The following LCMT1 variants were observed in gnomAD, a reference collection of about 807,000 sequenced individuals.
LCMT1 encodes the protein [Phosphatase 2A protein]-leucine-carboxy methyltransferase 1.
In LCMT1, 32 loss-of-function variants were observed where a neutral mutation model predicts 47.7. That is an observed-to-expected ratio of 0.67 (90% CI 0.51 to 0.90). The LOEUF is 0.90. LCMT1 is among the 40% of genes least tolerant of loss of function. LCMT1 has a pLI of 0.00. For missense variants in LCMT1, 375 were observed against 415.2 expected (o/e 0.90, Z 0.84); for synonymous variants, 152 against 149.7 (o/e 1.02, Z -0.11).
intron 10 of LCMT1, 31 bp downstream of exon 10, chr16:25,175,065 TGGAAATAG>T (rs1311030070): frequency 2.5e-6 from 3 of 1,212,952 alleles, no homozygotes; most frequent in Non-Finnish European, 3.6e-6. Context: ...TGCCTTGACC[TGGAAATAG>T]TGAACTTTTC....
chr16:25,128,433 A>T, intron 1 of LCMT1, 42 bp from the exon 2 acceptor site: 10 of 1,451,582 alleles, frequency 6.9e-6, no homozygotes, highest in Non-Finnish European at 9.5e-6. Context: ...GTCTGAACCT[A>T]CTCAATCTCT....
chr16:25,127,834 C>G (rs1347664829), intron 1 of LCMT1, among the ~76,000 whole-genome samples: 1 of 152,122 alleles, frequency 6.6e-6, no homozygotes, highest in Non-Finnish European at 1.5e-5. Context: ...TGGTTCTACT[C>G]ATGGTTGCAA....
chr16:25,173,346 T>G (rs1169641468), intron 9 of LCMT1, among the ~76,000 whole-genome samples: 1 of 152,188 alleles, frequency 6.6e-6, no homozygotes, highest in Non-Finnish European at 1.5e-5. Context: ...TGGTACTGGA[T>G]TTTTCTAGAA....
chr16:25,134,164 G>A (rs184156929), intron 3 of LCMT1, among the ~76,000 whole-genome samples: 4 of 151,658 alleles, frequency 2.6e-5, no homozygotes, highest in East Asian at 3.9e-4. Flanking sequence ...GATTTTTTGC[G>A]GATGTTGACC....
intron 1 of LCMT1, among the ~76,000 whole-genome samples, chr16:25,124,705 A>G (rs1960106733): frequency 6.6e-6 from 1 of 152,318 alleles, no homozygotes; most frequent in South Asian, 2.1e-4. Context: ...ACCTTTCAGA[A>G]GAAGGCCCCA....
At chr16:25,134,422 G>A (rs2141654581) in intron 3 of LCMT1, among the ~76,000 whole-genome samples, 1 of 152,328 alleles carries the variant, frequency 6.6e-6, no homozygotes, top group African/African-American at 2.4e-5. Context: ...TGAGGGAAAT[G>A]AGACTGCAAG....
intron 6 of LCMT1, among the ~76,000 whole-genome samples, chr16:25,161,513 T>A (rs377516225): frequency 2.0e-5 from 3 of 152,116 alleles, no homozygotes; most frequent in African/African-American, 4.8e-5. Context: ...TGCGCCACCA[T>A]GCCTGGCTAA....
chr16:25,124,076 G>C (rs1960084298), intron 1 of LCMT1, among the ~76,000 whole-genome samples: 1 of 152,152 alleles, frequency 6.6e-6, no homozygotes, highest in African/African-American at 2.4e-5. Context: ...TTTGCTCCAG[G>C]AGGGAAGAAG....
intron 1 of LCMT1, among the ~76,000 whole-genome samples, chr16:25,122,096 C>G (rs1227408105): frequency 1.3e-5 from 2 of 152,204 alleles, no homozygotes; most frequent in African/African-American, 2.4e-5. Context: ...CTGCAAAATG[C>G]TTCTTGAAAG....
intron 7 of LCMT1, among the ~76,000 whole-genome samples, chr16:25,166,425 A>G (rs536165042): frequency 3.3e-5 from 5 of 152,158 alleles, no homozygotes; most frequent in Non-Finnish European, 7.4e-5. Context: ...TGTTTGAGAT[A>G]GGGTCTCACT....
intron 1 of LCMT1, among the ~76,000 whole-genome samples, chr16:25,116,670 C>G (rs867005261): frequency 1.4e-5 from 2 of 142,378 alleles, no homozygotes; most frequent in Middle Eastern, 3.8e-3. Flanking sequence ...CACTTGAGCT[C>G]AGGAGTTCAA....
chr16:25,134,021 ACTT>A (rs1232176745), intron 3 of LCMT1, among the ~76,000 whole-genome samples: 6 of 145,032 alleles, frequency 4.1e-5, no homozygotes, highest in Non-Finnish European at 9.0e-5. Flanking sequence ...GACGAGTGAG[ACTT>A]CGTCTCTTAA....
At chr16:25,137,947 C>A (rs1960551632) in intron 3 of LCMT1, among the ~76,000 whole-genome samples, 1 of 152,098 alleles carries the variant, frequency 6.6e-6, no homozygotes. Flanking sequence ...ACTCACCCCC[C>A]CGGGATTCAT....
intron 2 of LCMT1, chr16:25,132,135 T>A (rs1453866230): frequency 5.9e-6 from 3 of 508,548 alleles, no homozygotes; most frequent in Non-Finnish European, 1.1e-5. Context: ...AAACACTTAT[T>A]TTTCATACAT....
chr16:25,173,800 C>T (rs1202596270), intron 9 of LCMT1, among the ~76,000 whole-genome samples: 2 of 152,102 alleles, frequency 1.3e-5, no homozygotes, highest in African/African-American at 2.4e-5. Context: ...CCACCTTGGC[C>T]TCCCAAAGCT....
chr16:25,134,745 C>G (rs571378382), intron 3 of LCMT1, among the ~76,000 whole-genome samples: 1 of 152,186 alleles, frequency 6.6e-6, no homozygotes, highest in African/African-American at 2.4e-5. Flanking sequence ...GGATTACAGG[C>G]GTTCACCACC....
chr16:25,170,945 A>G, intron 9 of LCMT1, 140 bp downstream of exon 9: 2 of 597,350 alleles, frequency 3.3e-6, no homozygotes, highest in Non-Finnish European at 5.7e-6. Context: ...CAAATAAAAA[A>G]CAAGGCCAGG....
At chr16:25,130,058 G>C (rs1157514455) in intron 2 of LCMT1, among the ~76,000 whole-genome samples, 2 of 152,272 alleles carry the variant, frequency 1.3e-5, no homozygotes, top group East Asian at 3.9e-4. Flanking sequence ...TTCTTCAACA[G>C]GGCTGGACGT....
At position 25,112,105 on chromosome 16, in the gene LCMT1, G is replaced by A; in HGVS notation, c.113+109G>A. On this transcript the variant is annotated intron_variant, in intron 1 of 10. Transcript: ENST00000399069. Reference sequence around the variant, plus strand: ...CAAGGCTGGCAGGGATGCAGCCCCCGCCTCGCACGACCCTCGCTTCCCACC... The same window carrying A: ...CAAGGCTGGCAGGGATGCAGCCCCCACCTCGCACGACCCTCGCTTCCCACC... The A allele has an allele frequency of 5.3e-6, 4 of 748,888 alleles. 1 individual carries two copies. In the South Asian group the frequency reaches 5.9e-5, roughly 11 times the overall value. The allele number at this position is 748,888 out of a possible 1,614,324, so 46.4% of individuals were successfully genotyped here. A position where few individuals can be genotyped will look rare whatever the true frequency, so the allele number is the denominator to read the frequency against.
Sources: gnomAD v4.1 joint callset for allele counts (sites outside exome capture counted in the v4.1 genomes callset) on GRCh38, gnomAD v4.1.1 for gene constraint, MANE v1.5 for transcripts, NCBI Gene and HGNC (gene_info 2026-07-23, HGNC 2026-07-21) for gene names.